NELL1: variants seen among roughly 807,000 people sequenced by gnomAD.
The protein encoded by NELL1 is neural EGFL like 1, also known as protein kinase C-binding protein NELL1.
NELL1 carries 76 observed loss-of-function variants against 107.4 expected under a neutral mutation model. The observed-to-expected ratio is 0.71, with a 90% confidence interval of 0.59 to 0.86. The LOEUF is 0.86. NELL1 is among the 40% of genes least tolerant of loss of function. The pLI is 0.00. For missense variants in NELL1, 1,024 were observed against 1,005.5 expected (o/e 1.02, Z -0.25); for synonymous variants, 353 against 341.2 (o/e 1.03, Z -0.38).
At chr11:21,230,683 A>G (rs1238895841) in intron 14 of NELL1, among the ~76,000 whole-genome samples, 2 of 152,210 alleles carry the variant, frequency 1.3e-5, no homozygotes, top group African/African-American at 4.8e-5. Flanking sequence ...ATAATTTACA[A>G]CGACTAAGTC....
intron 15 of NELL1, among the ~76,000 whole-genome samples, chr11:21,402,562 G>T (rs1307367792): frequency 6.6e-6 from 1 of 151,304 alleles, no homozygotes; most frequent in African/African-American, 2.4e-5. Flanking sequence ...ATGATCATAA[G>T]GAAAGAAAAG....
chr11:20,826,910 G>T (rs2134031518), intron 3 of NELL1, among the ~76,000 whole-genome samples: 1 of 151,330 alleles, frequency 6.6e-6, no homozygotes, highest in East Asian at 1.9e-4. Context: ...TTTGCTGAAG[G>T]TATACTTTTG....
intron 11 of NELL1, among the ~76,000 whole-genome samples, chr11:20,956,459 T>A (rs372557988): frequency 4.6e-5 from 7 of 151,514 alleles, no homozygotes; most frequent in Admixed American, 2.6e-4. Context: ...GTCCTGGCTA[T>A]CACGGTGAAA....
chr11:21,475,104 GA>G (rs1308555097), intron 15 of NELL1, among the ~76,000 whole-genome samples: 5 of 151,700 alleles, frequency 3.3e-5, no homozygotes, highest in Admixed American at 1.3e-4. Context: ...AAAACAAAAG[GA>G]AAAAAAAGCT....
chr11:21,018,841 A>G (rs1160497402), intron 12 of NELL1, among the ~76,000 whole-genome samples: 1 of 152,110 alleles, frequency 6.6e-6, no homozygotes, highest in Non-Finnish European at 1.5e-5. Flanking sequence ...GATGGATGCT[A>G]TGTGGCAGGA....
intron 16 of NELL1, among the ~76,000 whole-genome samples, chr11:21,556,183 T>A (rs1316489324): frequency 6.6e-6 from 1 of 151,962 alleles, no homozygotes; most frequent in Non-Finnish European, 1.5e-5. Context: ...CAAGCTCTGT[T>A]CTCATTTCTG....
intron 12 of NELL1, among the ~76,000 whole-genome samples, chr11:21,062,210 A>G (rs1469875315): frequency 6.6e-6 from 1 of 152,340 alleles, no homozygotes; most frequent in Admixed American, 6.5e-5. Flanking sequence ...ATCATTAATA[A>G]TTTTTTAGTG....
At chr11:21,347,133 G>GT (rs1179933649) in intron 14 of NELL1, among the ~76,000 whole-genome samples, 10 of 152,270 alleles carry the variant, frequency 6.6e-5, no homozygotes, top group African/African-American at 2.4e-4. Flanking sequence ...CAGTGGTGTT[G>GT]TTTAAGAAAT....
At chr11:21,006,203 G>A (rs760112259) in intron 12 of NELL1, among the ~76,000 whole-genome samples, 1 of 152,050 alleles carries the variant, frequency 6.6e-6, no homozygotes, top group Non-Finnish European at 1.5e-5. Context: ...AGATGTTGAT[G>A]ATATTTAGAG....
intron 14 of NELL1, chr11:21,262,426 G>C (rs1848553484): frequency 6.6e-6 from 1 of 151,866 alleles, no homozygotes. Context: ...GAGGTTTTGA[G>C]AAATTTCTGC....
chr11:21,286,710 C>T (rs1320514252), intron 14 of NELL1, among the ~76,000 whole-genome samples: 1 of 152,230 alleles, frequency 6.6e-6, no homozygotes, highest in East Asian at 1.9e-4. Flanking sequence ...TTGGACCAGA[C>T]TGCTGCAGTG....
chr11:20,971,455 G>C (rs1378701055), intron 12 of NELL1, among the ~76,000 whole-genome samples: 3 of 151,922 alleles, frequency 2.0e-5, no homozygotes, highest in Non-Finnish European at 4.4e-5. Flanking sequence ...AAACTTTTTT[G>C]GTTATTTAAA....
intron 7 of NELL1, among the ~76,000 whole-genome samples, chr11:20,919,924 G>T (rs537077877): frequency 1.3e-5 from 2 of 152,022 alleles, no homozygotes; most frequent in Non-Finnish European, 2.9e-5. Flanking sequence ...ATCTTTTGAG[G>T]ACCTGCCGTT....
intron 15 of NELL1, among the ~76,000 whole-genome samples, chr11:21,513,923 C>T (rs1331625547): frequency 6.6e-6 from 1 of 152,164 alleles, no homozygotes. Context: ...TGATGAGACA[C>T]CCACCCCTGC....
At chr11:21,470,146 A>C (rs1427158291) in intron 15 of NELL1, among the ~76,000 whole-genome samples, 1 of 152,094 alleles carries the variant, frequency 6.6e-6, no homozygotes, top group Admixed American at 6.6e-5. Context: ...TTCTCAAAGA[A>C]TTGAGGTAAA....
In NELL1 at chr11:20,687,844, C is replaced by T. The variant is rs536294057; in HGVS notation, c.184+9784C>T. Among the ~76,000 whole-genome samples the T allele has an allele frequency of 2.0e-4, 30 of 152,158 alleles. No homozygotes were observed. The South Asian group carries it at 5.8e-3, about 29-fold the overall frequency. On this transcript the variant is annotated intron_variant, in intron 2 of 19. Coordinates refer to ENST00000357134, the MANE Select transcript of NELL1 (RefSeq NM_006157.5). ...CTGACCTCAACTGATCTGTCCACTT[C>T]GGCCTCCCAAAGTTCTGGGATTACA...
At chr11:21,184,994 C>T (rs1222114330) in intron 13 of NELL1, among the ~76,000 whole-genome samples, 2 of 151,810 alleles carry the variant, frequency 1.3e-5, no homozygotes, top group Non-Finnish European at 2.9e-5. Flanking sequence ...AACAGCCAAT[C>T]GCATAAGAAT....
chr11:20,902,963 A>G (rs1849910920), intron 5 of NELL1, among the ~76,000 whole-genome samples: 1 of 152,082 alleles, frequency 6.6e-6, no homozygotes, highest in African/African-American at 2.4e-5. Flanking sequence ...ATAAACACTA[A>G]ATTTAGAATA....
At chr11:20,845,360 A>G (rs1188462784) in intron 3 of NELL1, among the ~76,000 whole-genome samples, 1 of 152,176 alleles carries the variant, frequency 6.6e-6, no homozygotes, top group Non-Finnish European at 1.5e-5. Flanking sequence ...TGAGGCCACA[A>G]CCCCAAGAAT....
Sources: gnomAD v4.1 joint callset for allele counts (sites outside exome capture counted in the v4.1 genomes callset) on GRCh38, gnomAD v4.1.1 for gene constraint, MANE v1.5 for transcripts, NCBI Gene and HGNC (gene_info 2026-07-23, HGNC 2026-07-21) for gene names.